Variants in RMND1 observed in about 807,000 individuals in gnomAD.
RMND1 encodes required for meiotic nuclear division 1 homolog, also known as required for meiotic nuclear division protein 1 homolog.
Under a neutral mutation model 54.0 loss-of-function variants are expected in RMND1, and 41 were observed. The observed-to-expected ratio is 0.76, with a 90% CI of 0.59 to 0.98. The LOEUF is 0.98. Among genes scored for constraint, RMND1 ranks in the 50% least tolerant of loss-of-function variants. The pLI is 0.00. For missense variants in RMND1, 457 were observed against 532.0 expected, an observed-to-expected ratio of 0.86 and a Z score of 1.39; for synonymous variants, 183 against 181.7, an observed-to-expected ratio of 1.01 and a Z score of -0.06.
intron 2 of RMND1, among the ~76,000 whole-genome samples, chr6:151,438,159 C>T (rs1311549314): frequency 6.6e-6 from 1 of 152,170 alleles, no homozygotes; most frequent in Non-Finnish European, 1.5e-5. Context: ...AGCACTAGTT[C>T]TTTTTAAGGC....
chr6:151,439,072 C>T (rs112063558), intron 2 of RMND1, among the ~76,000 whole-genome samples: 14,949 of 152,224 alleles, frequency 0.098, 812 homozygotes, highest in Middle Eastern at 0.18. Context: ...CAAAATTGCA[C>T]CACTGCACTC....
intron 9 of RMND1, among the ~76,000 whole-genome samples, chr6:151,420,042 C>T (rs555492204): frequency 6.6e-6 from 1 of 152,170 alleles, no homozygotes; most frequent in East Asian, 1.9e-4. Flanking sequence ...CTTATATTAA[C>T]AAATAAGCAT....
At chr6:151,407,813 A>G (rs1779679412) in intron 10 of RMND1, among the ~76,000 whole-genome samples, 1 of 152,112 alleles carries the variant, frequency 6.6e-6, no homozygotes, top group Admixed American at 6.5e-5. Flanking sequence ...AGGCTGAGGC[A>G]GGAGAATAGT....
chr6:151,408,837 ATT>A (rs896199918), intron 10 of RMND1: 5 of 152,218 alleles, frequency 3.3e-5, no homozygotes, highest in Non-Finnish European at 7.3e-5. Context: ...GAGGAAATGG[ATT>A]CCACTCGCAG....
intron 2 of RMND1, among the ~76,000 whole-genome samples, chr6:151,440,063 T>C (rs1056294791): frequency 9.9e-5 from 15 of 152,070 alleles, no homozygotes; most frequent in Non-Finnish European, 1.9e-4. Flanking sequence ...TTCAAGTGAT[T>C]ATCCCGCCTC....
rs557986778 is a variant in RMND1 at position 151,442,945 on chromosome 6, T to C, written c.504+2363A>G. On this transcript the variant is annotated intron_variant, in intron 2 of 11. Coordinates refer to ENST00000444024, the MANE Select transcript of RMND1 (RefSeq NM_017909.4). The stretch of plus-strand genomic sequence containing the variant: ...ATTTAATTCCAACAGACAGGGTGAC[T>C]GAAACCTCATTCAGCCAACTCCAGA... Among the ~76,000 whole-genome samples the C allele has an allele frequency of 2.0e-5, 3 of 152,256 alleles. No homozygotes were observed. In the South Asian group the frequency reaches 6.2e-4, roughly 32 times the overall value.
At chr6:151,418,171 T>C (rs554699801) in intron 9 of RMND1, among the ~76,000 whole-genome samples, 80 of 152,192 alleles carry the variant, frequency 5.3e-4, no homozygotes, top group African/African-American at 1.8e-3. Flanking sequence ...CCCAGCACTT[T>C]GGAAGGCCAA....
At position 151,422,926 on chromosome 6, in the gene RMND1, G is replaced by A. The variant is rs187320593; in HGVS notation, c.938-321C>T. On this transcript the variant is annotated intron_variant, in intron 7 of 11. Coordinates refer to ENST00000444024, the MANE Select transcript of RMND1 (RefSeq NM_017909.4). ...CCATGGGTAGCTCTGCAGATAGGGC[G>A]CGACTAAGACTTTCCTGGCCTCCCC... 7.3e-4 allele frequency among the ~76,000 whole-genome samples: 111 copies of A among 152,200 alleles called. No individual in the cohort carries two copies. The Middle Eastern group carries it at 0.014, about 19-fold the overall frequency.
chr6:151,407,918 A>C (rs7775083), intron 10 of RMND1, among the ~76,000 whole-genome samples: 61,694 of 151,282 alleles, frequency 0.41, 14,929 homozygotes, highest in East Asian at 0.69. Flanking sequence ...CACACACACA[A>C]AAAAAAGTCA....
chr6:151,445,566 T>G lies in RMND1; in HGVS notation c.246A>C (p.Pro82=), dbSNP rs1582970721. ...CATCTTGGCAACGAGCAGCATTTAATGGAGACAGCATGCTGGTATCTGACT... is the reference window on the plus strand; with the variant it reads ...CATCTTGGCAACGAGCAGCATTTAAGGGAGACAGCATGCTGGTATCTGACT... ...QKKSDTSMLS[P]LNAARCQDEK... Residue 82 remains proline, a synonymous_variant, in exon 2 of 12, where the codon CCA becomes CCC. Coordinates refer to ENST00000444024, the MANE Select transcript of RMND1 (RefSeq NM_017909.4). 6.2e-7 allele frequency: 1 copy of G among 1,614,268 alleles called. No homozygotes were observed. The highest frequency in any genetic ancestry group is 1.7e-5 in the Admixed American group (1 of 60,028).
intron 1 of RMND1, among the ~76,000 whole-genome samples, chr6:151,450,166 G>GCGCCTCTTCCCGGCCGC (rs1781098265): frequency 8.2e-6 from 1 of 122,026 alleles, no homozygotes; most frequent in Admixed American, 7.9e-5. Context: ...GAAGTGAGGA[G>GCGCCTCTTCCCGGCCGC]CACCTCTTCC....
At chr6:151,417,159 G>T in intron 10 of RMND1, 120 bp downstream of exon 10, 4 of 1,127,838 alleles carry the variant, frequency 3.5e-6, no homozygotes, top group Non-Finnish European at 5.0e-6. Flanking sequence ...GACAAGAAGG[G>T]GAAATATAAA....
In RMND1 at chr6:151,407,764, C is replaced by T. The variant is rs182148584; in HGVS notation, c.1201-1928G>A. On this transcript the variant is annotated intron_variant, in intron 10 of 11. Coordinates refer to ENST00000444024, the MANE Select transcript of RMND1 (RefSeq NM_017909.4). ...CTACTAAAAATACAAAAAAATTATC[C>T]GGGTGTTGTGGCGGCCCCTGTTGTC... Among the ~76,000 whole-genome samples the T allele has an allele frequency of 9.9e-5, 15 of 151,990 alleles. No homozygotes were observed. In the East Asian group the frequency reaches 1.2e-3, roughly 12 times the overall value.
At chr6:151,449,485 C>G (rs1781064389) in intron 1 of RMND1, among the ~76,000 whole-genome samples, 1 of 152,088 alleles carries the variant, frequency 6.6e-6, no homozygotes, top group Non-Finnish European at 1.5e-5. Context: ...TCATTCTGGT[C>G]TCTGGATCTG....
intron 10 of RMND1, among the ~76,000 whole-genome samples, chr6:151,412,915 C>T (rs776948552): frequency 1.3e-5 from 2 of 152,180 alleles, no homozygotes; most frequent in Admixed American, 1.3e-4. Flanking sequence ...AGTCACCCCC[C>T]CACCAGGACC....
At position 151,414,245 on chromosome 6, in the gene RMND1, A is replaced by T. The variant is rs564237783; in HGVS notation, c.1200+3034T>A. Reference sequence around the variant, plus strand: ...GCCATTATACCTGGCTAATTTTTTTAAAAAAAAGGTTAGTAGAAATGAGGT... The same window carrying T: ...GCCATTATACCTGGCTAATTTTTTTTAAAAAAAGGTTAGTAGAAATGAGGT... On this transcript the variant is annotated intron_variant, in intron 10 of 11. Transcript: ENST00000444024. Among the ~76,000 whole-genome samples the T allele has an allele frequency of 2.0e-4, 31 of 151,884 alleles. No homozygotes were observed. The South Asian group carries it at 2.9e-3, about 14-fold the overall frequency.
In RMND1 at chr6:151,405,198, G is replaced by A; in HGVS notation, c.*37C>T. The A allele has an allele frequency of 1.3e-6, 2 of 1,588,424 alleles. No individual in the cohort carries two copies. The highest frequency in any genetic ancestry group is 2.2e-5 in the South Asian group (2 of 90,354). The stretch of plus-strand genomic sequence containing the variant: ...CATTTAATTTTTGATTGTAGAACTT[G>A]AATATCTCTTGCAGTGACACTTTGG... On this transcript the variant is annotated 3_prime_UTR_variant, in exon 12 of 12. Coordinates refer to ENST00000444024, the MANE Select transcript of RMND1 (RefSeq NM_017909.4).
In RMND1 at chr6:151,438,255, C is replaced by T. The variant is rs574771383; in HGVS notation, c.505-1701G>A. On this transcript the variant is annotated intron_variant, in intron 2 of 11. Coordinates refer to ENST00000444024, the MANE Select transcript of RMND1 (RefSeq NM_017909.4). ...AGGAATCCTAGCAAGGGGCATCAGG[C>T]GAGACATCGGGTAGGCTCCACTCTG... Among the ~76,000 whole-genome samples, 29 of 152,270 alleles carry T rather than the reference C, an allele frequency of 1.9e-4. No individual in the cohort carries two copies. In the South Asian group the frequency reaches 6.0e-3, roughly 32 times the overall value.
intron 10 of RMND1, chr6:151,416,923 C>T (rs1780023872): frequency 1.2e-5 from 2 of 160,894 alleles, no homozygotes; most frequent in Admixed American, 1.2e-4. Context: ...CTCTTATTAC[C>T]CATCACTTGA....
Sources: gnomAD v4.1 joint callset for allele counts (sites outside exome capture counted in the v4.1 genomes callset) on GRCh38, gnomAD v4.1.1 for gene constraint, MANE v1.5 for transcripts, NCBI Gene and HGNC (gene_info 2026-07-23, HGNC 2026-07-21) for gene names.